EIF3F: variants seen among roughly 807,000 people sequenced by gnomAD.
EIF3F encodes eukaryotic translation initiation factor 3 subunit F.
In EIF3F, 8 loss-of-function variants were observed where a neutral mutation model predicts 36.0. The ratio of observed to expected loss-of-function variants is 0.22; its 90% confidence interval spans 0.13 to 0.40. The LOEUF (loss-of-function observed/expected upper bound fraction) is 0.40. Ranked by LOEUF, EIF3F falls within the 10% of genes least tolerant of loss-of-function variation. EIF3F has a pLI of 1.00. For missense variants in EIF3F, 430 were observed against 467.6 expected (o/e 0.92, Z 0.74); for synonymous variants, 184 against 188.5 (o/e 0.98, Z 0.19).
At chr11:7,990,204 G>C (rs1046544600) in intron 1 of EIF3F, among the ~76,000 whole-genome samples, 1 of 152,228 alleles carries the variant, frequency 6.6e-6, no homozygotes, top group African/African-American at 2.4e-5. Context: ...AAGGTCTGGA[G>C]TGCAAAAGAG....
rs1249307465 is a variant in EIF3F at position 7,987,366 on chromosome 11, C to T, written c.14C>T (p.Ala5Val). ...TTTCTCGACAAGATGGCCACACCGG[C>T]GGTACCAGTAAGTGCTCCTCCGGCC... Reference protein sequence around the residue: MATPAVPVSAPPATP... With the variant: MATPVVPVSAPPATP... The change falls in exon 1 of 8, where the codon GCG becomes GTG. Residue 5 changes from alanine to valine, a missense_variant. Ala to Val is a moderately conservative substitution (Grantham distance 64, BLOSUM62 0). Around this residue, in one of 2 missense-constraint regions of EIF3F, gnomAD observed 168 missense variants for 120.2 expected, o/e 1.40. Transcript: ENST00000651655. 11 of 1,594,186 alleles carry T rather than the reference C, an allele frequency of 6.9e-6. No homozygotes were observed. Among genetic ancestry groups the T allele is most frequent in the Non-Finnish European group, 9.3e-6 (11 of 1,176,710 alleles).
intron 3 of EIF3F, 45 bp downstream of exon 3, chr11:7,992,208 G>T: frequency 6.7e-7 from 1 of 1,491,752 alleles, no homozygotes; most frequent in Non-Finnish European, 9.2e-7. Flanking sequence ...AGGTCTCTTC[G>T]TGATTGCCGG....
chr11:7,995,772 T>C, intron 7 of EIF3F, 173 bp from the exon 8 acceptor site: 1 of 684,260 alleles, frequency 1.5e-6, no homozygotes, highest in Non-Finnish European at 2.6e-6. Flanking sequence ...GAAAGCCTTC[T>C]CAAGCATTTC....
rs763590401 is a variant in EIF3F, at chr11:7,991,839, G to A, written c.423G>A (p.Glu141=). ...ATTGCTTTTCAGTGCCGCACAATGA[G>A]TCAGAAGATGAAGTGAGTGGGAATC... ...VTNCFSVPHN[E]SEDEVAVDME... Residue 141 remains glutamate, a synonymous_variant, in exon 2 of 8, where the codon GAG becomes GAA. Coordinates refer to ENST00000651655, the MANE Select transcript of EIF3F (RefSeq NM_003754.3). The A allele has an allele frequency of 9.3e-5, 150 of 1,614,074 alleles. No individual in the cohort carries two copies. The highest frequency in any genetic ancestry group is 1.3e-4 in the Non-Finnish European group (148 of 1,180,042).
intron 5 of EIF3F, chr11:7,994,743 A>G: frequency 1.4e-6 from 1 of 697,032 alleles, no homozygotes; most frequent in Admixed American, 2.9e-5. Flanking sequence ...GCCACATACC[A>G]TTCACATGAG....
rs553134625 is a variant in EIF3F at position 7,987,519 on chromosome 11, C to T, written c.167C>T (p.Thr56Ile). The T allele has an allele frequency of 8.1e-6, 13 of 1,606,116 alleles. 1 individual carries two copies. The highest frequency in any genetic ancestry group is 4.4e-5 in the South Asian group (4 of 90,382). ...SSDPAAAAAA[T>I]AAPGQTPASA... ...GACCCTGCGGCAGCAGCGGCTGCAA[C>T]TGCGGCTCCTGGCCAGACCCCGGCC... Residue 56 changes from threonine to isoleucine, a missense_variant, in exon 1 of 8, where the codon ACT becomes ATT. Thr to Ile is a moderately conservative substitution (Grantham distance 89, BLOSUM62 -1). Transcript: ENST00000651655.
rs1942205946 is a variant in EIF3F, at chr11:8,000,260, AG to A, written c.*4240del. 1 of 152,176 alleles carries A rather than the reference AG, an allele frequency of 6.6e-6. No individual in the cohort carries two copies. Among genetic ancestry groups the A allele is most frequent in the Non-Finnish European group, 1.5e-5 (1 of 68,040 alleles). 9.4% of individuals were successfully genotyped at this position (152,176 alleles called of 1,614,324 possible). On this transcript the variant is annotated 3_prime_UTR_variant, in exon 8 of 8. Coordinates refer to ENST00000651655, the MANE Select transcript of EIF3F (RefSeq NM_003754.3). ...ATGGAATATTATTAACCTTAAAAGA[AG>A]GAAATAACTGATTTACAACAACATG...
chr11:7,994,537 A>G lies in EIF3F; in HGVS notation c.745+20A>G, dbSNP rs1362123385. Reference sequence around the variant, plus strand: ...TCGGAGGTGAGTAACCTTTCCATACACTCGCGAGAGGCCATAGGCATTTTC... The same window carrying G: ...TCGGAGGTGAGTAACCTTTCCATACGCTCGCGAGAGGCCATAGGCATTTTC... On this transcript the variant is annotated intron_variant, in intron 5 of 7. Coordinates refer to ENST00000651655, the MANE Select transcript of EIF3F (RefSeq NM_003754.3). 12 of 1,606,700 alleles carry G rather than the reference A, an allele frequency of 7.5e-6. No individual in the cohort carries two copies. The highest frequency in any genetic ancestry group is 9.4e-6 in the Non-Finnish European group (11 of 1,176,122).
At position 7,995,066 on chromosome 11, in the gene EIF3F, C is replaced by T. The variant is rs868162509; in HGVS notation, c.830C>T (p.Ala277Val). The T allele has an allele frequency of 1.9e-6, 3 of 1,614,032 alleles. No individual in the cohort carries two copies. Among genetic ancestry groups the T allele is most frequent in the Middle Eastern group, 1.7e-4 (1 of 6,054 alleles). ...TTGCAGCAAGTAGGAGGGGCATCAG[C>T]TCGCATCCAGGATGCCCTGAGTACA... The part of the protein sequence containing the change: ...SDLQQVGGAS[A>V]RIQDALSTVL... The change falls in exon 6 of 8, where the codon GCT (alanine) becomes GTT (valine). Residue 277 changes from alanine (A) to valine (V), a missense_variant. Transcript: ENST00000651655.
At chr11:7,990,823 A>G (rs1163167267) in intron 1 of EIF3F, among the ~76,000 whole-genome samples, 2 of 151,952 alleles carry the variant, frequency 1.3e-5, no homozygotes, top group Non-Finnish European at 2.9e-5. Context: ...GAGAATGGAA[A>G]ACTCAACGTA....
At chr11:7,992,783 C>A in intron 3 of EIF3F, 104 bp from the exon 4 acceptor site, 1 of 1,464,686 alleles carries the variant, frequency 6.8e-7, no homozygotes, top group Admixed American at 1.8e-5. Context: ...ACTAGGTGTC[C>A]TACCGTAGAA....
rs371631392 is a variant in EIF3F at position 7,998,263 on chromosome 11, A to G, written c.*2241A>G. ...CAACCCATCAGTACATAAACTTGTT[A>G]CATGTGTTTCTGTTTGAAGACACCT... On this transcript the variant is annotated 3_prime_UTR_variant, in exon 8 of 8. Transcript: ENST00000651655. 2.0e-5 allele frequency: 3 copies of G among 152,172 alleles called. No individual in the cohort carries two copies. The highest frequency in any genetic ancestry group is 7.2e-5 in the African/African-American group (3 of 41,462). The allele number at this position is 152,172 out of a possible 1,614,324, so 9.4% of individuals were successfully genotyped here.
Position 7,996,433 on chromosome 11 carries a change from A to AT in EIF3F, c.*412dup, listed in dbSNP as rs1942161367. On this transcript the variant is annotated 3_prime_UTR_variant, in exon 8 of 8. Transcript: ENST00000651655. The stretch of plus-strand genomic sequence containing the variant: ...AATAGCTAAGAAAATTGGATGCTTA[A>AT]TCTGAACTAAAAGAGTAGAGTGTGT... 5.8e-6 allele frequency: 1 copy of AT among 173,586 alleles called. No individual in the cohort carries two copies. The highest frequency in any genetic ancestry group is 5.9e-5 in the Admixed American group (1 of 16,970). The allele number at this position is 173,586 out of a possible 1,614,324, so 10.8% of individuals were successfully genotyped here.
In EIF3F at chr11:7,987,347, G is replaced by A. The variant is rs768291543; in HGVS notation, c.-6G>A. On this transcript the variant is annotated 5_prime_UTR_variant, in exon 1 of 8. Transcript: ENST00000651655. ...TTCCGCTTCCGCCTCCTTCTTTCTC[G>A]ACAAGATGGCCACACCGGCGGTACC... 6.3e-7 allele frequency: 1 copy of A among 1,589,628 alleles called. No individual in the cohort carries two copies. Among genetic ancestry groups the A allele is most frequent in the Non-Finnish European group, 8.5e-7 (1 of 1,174,340 alleles).
Position 8,001,206 on chromosome 11 carries a change from C to G in EIF3F, c.*5184C>G, listed in dbSNP as rs750977974. 6.6e-6 allele frequency: 1 copy of G among 152,116 alleles called. No homozygotes were observed. Among genetic ancestry groups the G allele is most frequent in the Non-Finnish European group, 1.5e-5 (1 of 68,028 alleles). 9.4% of individuals were successfully genotyped at this position (152,116 alleles called of 1,614,324 possible). On this transcript the variant is annotated 3_prime_UTR_variant, in exon 8 of 8. Transcript: ENST00000651655. ...CGATGTCATTTTTAAAAATCAGATT[C>G]GCAAATTTTAAAAGTTGCTAACACT... is the stretch of plus-strand genomic sequence containing the variant.
intron 2 of EIF3F, 102 bp from the exon 3 acceptor site, chr11:7,991,982 C>T (rs559726356): frequency 2.0e-6 from 3 of 1,482,954 alleles, no homozygotes; most frequent in East Asian, 4.5e-5. Flanking sequence ...GTACGTACTT[C>T]CTGGGCCTCT....
rs922572548 is a variant in EIF3F at position 7,999,461 on chromosome 11, A to G, written c.*3439A>G. 1 of 152,234 alleles carries G rather than the reference A, an allele frequency of 6.6e-6. No homozygotes were observed. The highest frequency in any genetic ancestry group is 2.4e-5 in the African/African-American group (1 of 41,468). 9.4% of individuals were successfully genotyped at this position (152,234 alleles called of 1,614,324 possible). On this transcript the variant is annotated 3_prime_UTR_variant, in exon 8 of 8. Coordinates refer to ENST00000651655, the MANE Select transcript of EIF3F (RefSeq NM_003754.3). ...CCTGTTAAACTACATATTTGTCATAATTACAATAAAATACAAAGAGCTATT... is the reference window on the plus strand; with the variant it reads ...CCTGTTAAACTACATATTTGTCATAGTTACAATAAAATACAAAGAGCTATT...
chr11:7,995,792 T>G (rs764687672), intron 7 of EIF3F, 153 bp from the exon 8 acceptor site: 1 of 710,266 alleles, frequency 1.4e-6, no homozygotes, highest in Non-Finnish European at 2.5e-6. Flanking sequence ...CCTTTCTGTC[T>G]TCTACCTTTT....
chr11:7,994,639 G>C, intron 5 of EIF3F, 122 bp downstream of exon 5: 1 of 881,334 alleles, frequency 1.1e-6, no homozygotes, highest in Non-Finnish European at 1.7e-6. Context: ...TCTAAGGTTT[G>C]TGAAGACTAG....
Sources: allele counts gnomAD v4.1 joint callset (sites outside exome capture counted in the v4.1 genomes callset), GRCh38; gene constraint gnomAD v4.1.1; regional missense constraint gnomAD v4.1.1; transcripts MANE v1.5; gene names NCBI Gene and HGNC (gene_info 2026-07-23, HGNC 2026-07-21).